R3HCC1L: variants seen among roughly 807,000 people sequenced by gnomAD.
The protein encoded by R3HCC1L is coiled-coil domain-containing protein R3HCC1L.
Under a neutral mutation model 59.9 loss-of-function variants are expected in R3HCC1L, and 51 were observed. The observed-to-expected ratio is 0.85, with a 90% CI of 0.68 to 1.07. The LOEUF is 1.07. Ranked by LOEUF, R3HCC1L falls within the 50% of genes least tolerant of loss-of-function variation. The probability of loss-of-function intolerance (pLI) is 0.00; values close to 1 mark genes in which losing one functional copy is unlikely to be tolerated. For synonymous variants in R3HCC1L, 322 were observed against 315.2 expected (o/e 1.02, Z -0.23); for missense variants, 965 against 933.0 (o/e 1.03, Z -0.45).
chr10:98,162,672 T>TTGTG (rs138697556), intron 2 of R3HCC1L, among the ~76,000 whole-genome samples: 96 of 148,110 alleles, frequency 6.5e-4, no homozygotes, highest in East Asian at 2.2e-3. Context: ...GTGTGTGTGT[T>TTGTG]TGTGTGTGTG....
intron 1 of R3HCC1L, among the ~76,000 whole-genome samples, chr10:98,153,153 G>A (rs1234397884): frequency 1.3e-5 from 2 of 152,212 alleles, no homozygotes; most frequent in Non-Finnish European, 2.9e-5. Flanking sequence ...TGACAATGGC[G>A]GTTTTGTGGA....
chr10:98,143,044 T>G (rs547555248), intron 1 of R3HCC1L, among the ~76,000 whole-genome samples: 2 of 152,378 alleles, frequency 1.3e-5, no homozygotes, highest in East Asian at 1.9e-4. Context: ...ATGGAACATT[T>G]ACCATATTAA....
rs1472895349 is a variant in R3HCC1L at position 98,244,137 on chromosome 10, C to CAGA, written c.2317_2319dup (p.Arg773dup). The CAGA allele has an allele frequency of 6.2e-7, 1 of 1,613,930 alleles. No individual in the cohort carries two copies. The highest frequency in any genetic ancestry group is 1.1e-5 in the South Asian group (1 of 91,078). On this transcript the variant is annotated inframe_insertion, in exon 10 of 10. Transcript: ENST00000298999. Reference sequence around the variant, plus strand: ...AGCAACGGGAAGACATCTGGGAAGGCAGAGACCAGTCTACAGTTTGAACAT... The same window carrying CAGA: ...AGCAACGGGAAGACATCTGGGAAGGCAGAAGAGACCAGTCTACAGTTTGAACAT...
In R3HCC1L at chr10:98,209,304, T is replaced by C; in HGVS notation, c.1190T>C (p.Val397Ala). The C allele has an allele frequency of 6.2e-7, 1 of 1,613,980 alleles. No individual in the cohort carries two copies. The highest frequency in any genetic ancestry group is 8.5e-7 in the Non-Finnish European group (1 of 1,179,926). ...DHVTVDSPYV[V>A]AVRIADETSI... ...GTAACTGTTGATAGCCCTTATGTAG[T>C]TGCAGTTAGAATAGCTGATGAGACC... The change falls in exon 5 of 10, where the codon GTT becomes GCT. Residue 397 changes from valine to alanine, a missense_variant. Transcript: ENST00000298999.
At chr10:98,162,228 T>C (rs1847495588) in intron 2 of R3HCC1L, among the ~76,000 whole-genome samples, 1 of 152,204 alleles carries the variant, frequency 6.6e-6, no homozygotes, top group Non-Finnish European at 1.5e-5. Flanking sequence ...TTAAAGTTAT[T>C]TAAAATTTTT....
At chr10:98,166,822 T>C (rs1180647366) in intron 4 of R3HCC1L, among the ~76,000 whole-genome samples, 2 of 152,130 alleles carry the variant, frequency 1.3e-5, no homozygotes, top group Non-Finnish European at 2.9e-5. Flanking sequence ...CGTGCCACCA[T>C]GCCTGGCTAA....
rs143198025 is a variant in R3HCC1L at position 98,208,684 on chromosome 10, G to A, written c.570G>A (p.Arg190=). The A allele has an allele frequency of 1.3e-4, 207 of 1,614,098 alleles. 1 individual carries two copies. In the African/African-American group the frequency reaches 2.3e-3, roughly 18 times the overall value. The change falls in exon 5 of 10, where the codon AGG becomes AGA. Residue 190 remains arginine, a synonymous_variant. Transcript: ENST00000298999. ...FQNVEFCDFS[R]HEPDGEAFED... is the part of the protein sequence containing the mutation. ...ATGTGGAATTCTGTGACTTCAGTAG[G>A]CATGAACCTGATGGGGAAGCATTTG... is the stretch of plus-strand genomic sequence containing the variant.
intron 4 of R3HCC1L, among the ~76,000 whole-genome samples, chr10:98,176,302 T>C (rs1030621060): frequency 2.0e-5 from 3 of 152,226 alleles, no homozygotes; most frequent in South Asian, 4.1e-4. Context: ...TCTTAATTTC[T>C]GTAGAAAGTC....
intron 4 of R3HCC1L, among the ~76,000 whole-genome samples, chr10:98,165,284 A>G (rs927078848): frequency 2.6e-5 from 4 of 152,204 alleles, no homozygotes; most frequent in African/African-American, 9.6e-5. Context: ...AATAACAAAA[A>G]ACCCTGTAAG....
Position 98,244,203 on chromosome 10 carries a change from T to C in R3HCC1L, c.*45T>C. The C allele has an allele frequency of 6.4e-7, 1 of 1,557,246 alleles. No homozygotes were observed. The highest frequency in any genetic ancestry group is 1.1e-5 in the South Asian group (1 of 89,738). On this transcript the variant is annotated 3_prime_UTR_variant, in exon 10 of 10. Transcript: ENST00000298999. The stretch of plus-strand genomic sequence containing the variant: ...ATAATTCCATGAATCAGAAAATGTT[T>C]CCATAGCCTTCAGATAAGATGATCC...
At chr10:98,139,177 A>G (rs955211749) in intron 1 of R3HCC1L, among the ~76,000 whole-genome samples, 1 of 152,184 alleles carries the variant, frequency 6.6e-6, no homozygotes, top group Non-Finnish European at 1.5e-5. Context: ...ACTATTCACA[A>G]ATATCTCACC....
In R3HCC1L at chr10:98,208,627, C is replaced by T. The variant is rs767695966; in HGVS notation, c.513C>T (p.Ser171=). Residue 171 remains serine (S), a synonymous_variant, in exon 5 of 10, where the codon AGC becomes AGT. Coordinates refer to ENST00000298999, the MANE Select transcript of R3HCC1L (RefSeq NM_001351015.2). The part of the protein sequence containing the change: ...ILLSQACLEI[S]EAQVPSKPFQ... ...TTTCACAGGCCTGTTTAGAAATCAG[C>T]GAGGCTCAAGTTCCAAGCAAACCAT... 2.5e-6 allele frequency: 4 copies of T among 1,614,038 alleles called. No homozygotes were observed. The highest frequency in any genetic ancestry group is 3.3e-5 in the Admixed American group (2 of 59,996).
intron 5 of R3HCC1L, among the ~76,000 whole-genome samples, chr10:98,212,929 A>G (rs555205017): frequency 2.0e-5 from 3 of 152,160 alleles, no homozygotes; most frequent in Admixed American, 2.0e-4. Context: ...CTAATATTAT[A>G]CCACCATATT....
intron 4 of R3HCC1L, among the ~76,000 whole-genome samples, chr10:98,179,796 G>A (rs1159777784): frequency 6.6e-6 from 1 of 152,096 alleles, no homozygotes; most frequent in Non-Finnish European, 1.5e-5. Flanking sequence ...TCTTGGGAGG[G>A]TGTATATGTC....
rs1850941165 is a variant in R3HCC1L, at chr10:98,192,261, T to C, written c.-14-15840T>C. On this transcript the variant is annotated intron_variant, in intron 4 of 9. Coordinates refer to ENST00000298999, the MANE Select transcript of R3HCC1L (RefSeq NM_001351015.2). ...AACCTATGCTTTTAGGTAAGTCTTATAAAGCTTTAAAAAAAAAGGTCTTGG... is the reference window on the plus strand; with the variant it reads ...AACCTATGCTTTTAGGTAAGTCTTACAAAGCTTTAAAAAAAAAGGTCTTGG... Among the ~76,000 whole-genome samples the C allele has an allele frequency of 2.6e-5, 4 of 151,308 alleles. No homozygotes were observed. In the South Asian group the frequency reaches 8.3e-4, roughly 31 times the overall value.
intron 1 of R3HCC1L, among the ~76,000 whole-genome samples, chr10:98,140,707 A>G (rs1845055787): frequency 6.6e-6 from 1 of 152,226 alleles, no homozygotes; most frequent in Non-Finnish European, 1.5e-5. Flanking sequence ...ACAGATATTA[A>G]TAGTAAATCA....
intron 5 of R3HCC1L, among the ~76,000 whole-genome samples, chr10:98,210,295 G>A (rs1303815712): frequency 6.6e-6 from 1 of 152,096 alleles, no homozygotes; most frequent in African/African-American, 2.4e-5. Context: ...ATGTTGGAGT[G>A]TTAGACACTG....
intron 4 of R3HCC1L, among the ~76,000 whole-genome samples, chr10:98,205,789 A>C (rs1382838646): frequency 6.6e-6 from 1 of 152,174 alleles, no homozygotes; most frequent in Non-Finnish European, 1.5e-5. Flanking sequence ...AATAATTTTA[A>C]AGTAGATAAT....
Position 98,208,174 on chromosome 10 carries a change from T to C in R3HCC1L, c.60T>C (p.Tyr20=), listed in dbSNP as rs774555023. The change falls in exon 5 of 10, where the codon TAT becomes TAC. Residue 20 remains tyrosine, a synonymous_variant. Transcript: ENST00000298999. ...CCAGAAGGCCTGACATGGCACTTTATGTACCTAAAGCTCGTAGGGGTGCAG... is the reference window on the plus strand; with the variant it reads ...CCAGAAGGCCTGACATGGCACTTTACGTACCTAAAGCTCGTAGGGGTGCAG... The part of the protein sequence containing the change: ...VRARRPDMAL[Y]VPKARRGAVL... 2.5e-6 allele frequency: 4 copies of C among 1,613,786 alleles called. No individual in the cohort carries two copies. In the Admixed American group the frequency reaches 5.0e-5, roughly 20 times the overall value.
Sources: gnomAD v4.1 joint callset for allele counts (sites outside exome capture counted in the v4.1 genomes callset) on GRCh38, gnomAD v4.1.1 for gene constraint, MANE v1.5 for transcripts, NCBI Gene and HGNC (gene_info 2026-07-23, HGNC 2026-07-21) for gene names.